The following CENPW variants were observed in gnomAD, a reference collection of about 807,000 sequenced individuals.
CENPW encodes cancer-up-regulated gene 2 protein.
A neutral mutation model predicts 11.1 loss-of-function variants in CENPW; 3 were observed. That is an observed-to-expected ratio of 0.27 (90% confidence interval 0.12 to 0.70). The LOEUF is 0.70. Among genes scored for constraint, CENPW ranks in the 30% least tolerant of loss-of-function variants. The probability of loss-of-function intolerance (pLI) is 0.77; values close to 1 mark genes in which losing one functional copy is unlikely to be tolerated. For synonymous variants in CENPW, 38 were observed against 42.0 expected (o/e 0.91, Z 0.37); for missense variants, 100 against 105.6 (o/e 0.95, Z 0.23).
the CENPW span, among the ~76,000 whole-genome samples, chr6:126,384,318 G>A: frequency 1.1e-4 from 17 of 151,976 alleles, no homozygotes; most frequent in African/African-American, 1.7e-4. Context: ...GTCTAATAGC[G>A]AAGGCCATCA....
the CENPW span, among the ~76,000 whole-genome samples, chr6:126,357,966 T>G: frequency 3.5e-4 from 53 of 152,286 alleles, no homozygotes; most frequent in African/African-American, 1.3e-3. Flanking sequence ...TATTACCATT[T>G]TTTTGTGGCT....
At chr6:126,346,721 C>T (rs998303108) in intron 2 of CENPW, among the ~76,000 whole-genome samples, 12 of 152,124 alleles carry the variant, frequency 7.9e-5, no homozygotes, top group Admixed American at 7.9e-4. Context: ...AGAGAACTCA[C>T]TCACTATCAG....
the CENPW span, among the ~76,000 whole-genome samples, chr6:126,462,266 C>T: frequency 6.6e-6 from 1 of 151,864 alleles, no homozygotes; most frequent in Non-Finnish European, 1.5e-5. Context: ...TCTCGGACAG[C>T]TTTCTAGTGT....
the CENPW span, among the ~76,000 whole-genome samples, chr6:126,376,032 A>T: frequency 2.6e-4 from 40 of 152,226 alleles, no homozygotes; most frequent in African/African-American, 9.4e-4. Flanking sequence ...TCATCAAGGG[A>T]ATATATCAAT....
the CENPW span, among the ~76,000 whole-genome samples, chr6:126,356,478 C>G: frequency 6.4e-3 from 970 of 152,202 alleles, 10 homozygotes; most frequent in African/African-American, 0.021. Context: ...TTTAATCATT[C>G]CTAATTAAAC....
chr6:126,447,845 G>A, the CENPW span, among the ~76,000 whole-genome samples: 1 of 151,210 alleles, frequency 6.6e-6, no homozygotes, highest in Admixed American at 6.6e-5. Context: ...CTGGAATCGA[G>A]GTTGGTCCTG....
At chr6:126,374,002 C>T in the CENPW span, among the ~76,000 whole-genome samples, 3 of 152,072 alleles carry the variant, frequency 2.0e-5, no homozygotes, top group Admixed American at 6.6e-5. Flanking sequence ...AGAGAATTAT[C>T]TCAATTTGGG....
At chr6:126,466,348 CT>C in the CENPW span, among the ~76,000 whole-genome samples, 1 of 152,056 alleles carries the variant, frequency 6.6e-6, no homozygotes, top group African/African-American at 2.4e-5. Context: ...AAGCACTGAA[CT>C]TTAGTTGATA....
the CENPW span, among the ~76,000 whole-genome samples, chr6:126,394,942 A>G: frequency 6.6e-6 from 1 of 151,630 alleles, no homozygotes; most frequent in Admixed American, 6.6e-5. Context: ...TTGGAACTCC[A>G]TTGTATGTTA....
chr6:126,410,557 T>A, the CENPW span, among the ~76,000 whole-genome samples: 18 of 151,970 alleles, frequency 1.2e-4, no homozygotes, highest in African/African-American at 4.3e-4. Context: ...AATTTGGCAA[T>A]TTTTCAGCAA....
the CENPW span, among the ~76,000 whole-genome samples, chr6:126,424,626 C>T: frequency 6.6e-6 from 1 of 152,032 alleles, no homozygotes; most frequent in Admixed American, 6.6e-5. Flanking sequence ...AAGATCAATC[C>T]AGATCTGTAC....
chr6:126,426,041 C>T, the CENPW span, among the ~76,000 whole-genome samples: 1 of 152,054 alleles, frequency 6.6e-6, no homozygotes, highest in Non-Finnish European at 1.5e-5. Flanking sequence ...AATGTGCATC[C>T]TTAGTCACTC....
chr6:126,406,422 T>G, the CENPW span, among the ~76,000 whole-genome samples: 4 of 152,214 alleles, frequency 2.6e-5, no homozygotes, highest in African/African-American at 9.6e-5. Context: ...TGCGTATCTG[T>G]GTTCTCTTTT....
chr6:126,417,135 T>A, the CENPW span, among the ~76,000 whole-genome samples: 1 of 152,234 alleles, frequency 6.6e-6, no homozygotes, highest in Non-Finnish European at 1.5e-5. Context: ...ATGTGAGTCA[T>A]GAAATCAAAG....
chr6:126,361,846 T>A, the CENPW span, among the ~76,000 whole-genome samples: 1 of 152,304 alleles, frequency 6.6e-6, no homozygotes, highest in Non-Finnish European at 1.5e-5. Flanking sequence ...TCCCTCTTAC[T>A]GCTGTGAAAG....
chr6:126,406,888 G>A, the CENPW span, among the ~76,000 whole-genome samples: 1 of 152,016 alleles, frequency 6.6e-6, no homozygotes, highest in African/African-American at 2.4e-5. Context: ...ATTCAGCAAT[G>A]AAACCATTCA....
chr6:126,421,993 C>G, the CENPW span, among the ~76,000 whole-genome samples: 3 of 152,150 alleles, frequency 2.0e-5, no homozygotes, highest in East Asian at 3.9e-4. Flanking sequence ...AAGGAAATAA[C>G]CAGAAGAAAA....
chr6:126,474,143 A>C, the CENPW span, among the ~76,000 whole-genome samples: 2 of 151,442 alleles, frequency 1.3e-5, no homozygotes, highest in African/African-American at 4.8e-5. Context: ...ATATCTTTTC[A>C]TATATGAAAA....
At chr6:126,419,602 T>C in the CENPW span, among the ~76,000 whole-genome samples, 1 of 152,150 alleles carries the variant, frequency 6.6e-6, no homozygotes, top group Middle Eastern at 3.2e-3. Flanking sequence ...ACCAATAACA[T>C]AACACAAATT....
Sources: gnomAD v4.1 joint callset for allele counts (sites outside exome capture counted in the v4.1 genomes callset) on GRCh38, gnomAD v4.1.1 for gene constraint, MANE v1.5 for transcripts, NCBI Gene and HGNC (gene_info 2026-07-23, HGNC 2026-07-21) for gene names.